The following CACNA2D3 variants were observed in gnomAD, a reference collection of about 807,000 sequenced individuals.
CACNA2D3 encodes the protein calcium voltage-gated channel auxiliary subunit alpha2delta 3.
CACNA2D3 carries 60 observed loss-of-function variants against 160.6 expected under a neutral mutation model. The observed-to-expected ratio is 0.37, with a 90% CI of 0.30 to 0.46. The LOEUF is 0.46. Ranked by LOEUF, CACNA2D3 falls within the 20% of genes least tolerant of loss-of-function variation. CACNA2D3 has a pLI of 1.00. For synonymous variants in CACNA2D3, 558 were observed against 492.9 expected (o/e 1.13, Z -1.75); for missense variants, 1,205 against 1,365.0 (o/e 0.88, Z 1.85).
At chr3:54,363,062 G>A (rs909747537) in intron 3 of CACNA2D3, among the ~76,000 whole-genome samples, 12 of 152,036 alleles carry the variant, frequency 7.9e-5, no homozygotes, top group African/African-American at 2.9e-4. Flanking sequence ...AGGTGTGGTG[G>A]TGTGCGCCTG....
intron 17 of CACNA2D3, among the ~76,000 whole-genome samples, chr3:54,855,291 C>T (rs968579739): frequency 6.6e-6 from 1 of 152,174 alleles, no homozygotes; most frequent in Non-Finnish European, 1.5e-5. Flanking sequence ...TACTAGTCTC[C>T]GGGCTCCGGC....
intron 11 of CACNA2D3, among the ~76,000 whole-genome samples, chr3:54,694,355 A>T (rs1268527265): frequency 1.3e-5 from 2 of 152,184 alleles, no homozygotes; most frequent in African/African-American, 2.4e-5. Flanking sequence ...GTGTAAATAC[A>T]CTCTATGGTG....
intron 2 of CACNA2D3, among the ~76,000 whole-genome samples, chr3:54,160,368 C>T (rs532530187): frequency 5.3e-5 from 8 of 152,128 alleles, no homozygotes; most frequent in Non-Finnish European, 1.0e-4. Context: ...GGTGTGGTGG[C>T]GGGCGCCTGT....
chr3:54,880,038 C>T (rs951897054), intron 20 of CACNA2D3, among the ~76,000 whole-genome samples: 4 of 152,122 alleles, frequency 2.6e-5, no homozygotes, highest in Non-Finnish European at 4.4e-5. Flanking sequence ...CCTGAACTGG[C>T]GTCTCAGAGC....
chr3:54,151,169 TAATG>T (rs1385728323), intron 2 of CACNA2D3, among the ~76,000 whole-genome samples: 5 of 148,322 alleles, frequency 3.4e-5, no homozygotes, highest in Admixed American at 1.3e-4. Flanking sequence ...AGGGATGGGT[TAATG>T]GGTGGATGGG....
chr3:54,918,343 T>TTTTC lies in CACNA2D3; in HGVS notation c.2449+18478_2449+18479insCTTT. The TTTTC allele has an allele frequency of 5.2e-6, 2 of 381,202 alleles. 1 individual carries two copies. Among genetic ancestry groups the TTTTC allele is most frequent in the Admixed American group, 9.0e-5 (2 of 22,208 alleles). The allele number at this position is 381,202 out of a possible 1,614,324, so 23.6% of individuals were successfully genotyped here. On this transcript the variant is annotated intron_variant, in intron 27 of 37. Coordinates refer to ENST00000474759, the MANE Select transcript of CACNA2D3 (RefSeq NM_018398.3). Reference sequence around the variant, plus strand: ...CATCTTTTTTTTTTCTTTTTTTTTTTTTTTTTTTTTTTGTCTTTTGGCAAA... The same window carrying TTTTC: ...CATCTTTTTTTTTTCTTTTTTTTTTTTTTCTTTTTTTTTTTTGTCTTTTGGCAAA...
chr3:54,430,348 T>C (rs891398741), intron 4 of CACNA2D3, among the ~76,000 whole-genome samples: 3 of 152,194 alleles, frequency 2.0e-5, no homozygotes, highest in Admixed American at 6.5e-5. Flanking sequence ...GTTAAAAATA[T>C]TGAGGTTGGG....
chr3:54,216,723 A>G (rs1315108288), intron 2 of CACNA2D3, among the ~76,000 whole-genome samples: 1 of 152,178 alleles, frequency 6.6e-6, no homozygotes, highest in African/African-American at 2.4e-5. Context: ...TAATGCATTA[A>G]CTGTTTTGTT....
chr3:54,556,235 A>T (rs937599172), intron 5 of CACNA2D3, among the ~76,000 whole-genome samples: 6 of 152,176 alleles, frequency 3.9e-5, no homozygotes, highest in Admixed American at 3.9e-4. Flanking sequence ...GGATCTTGAG[A>T]TGAGATCGTC....
At chr3:54,735,157 A>G (rs1484325223) in intron 11 of CACNA2D3, among the ~76,000 whole-genome samples, 2 of 152,266 alleles carry the variant, frequency 1.3e-5, no homozygotes, top group East Asian at 1.9e-4. Context: ...GGACTTCTTA[A>G]TGGCAGAACT....
Position 54,880,777 on chromosome 3 carries a change from G to A in CACNA2D3, c.1845-19G>A, listed in dbSNP as rs375413036. 6.2e-7 allele frequency: 1 copy of A among 1,608,826 alleles called. No homozygotes were observed. The highest frequency in any genetic ancestry group is 1.3e-5 in the African/African-American group (1 of 74,834). The stretch of plus-strand genomic sequence containing the variant: ...GTCGATGCCAGGGATTTCAAGATTT[G>A]CTTTGTCTCTCTGCACAGTTTAGGT... On this transcript the variant is annotated intron_variant, in intron 20 of 37. Transcript: ENST00000474759.
chr3:55,059,553 C>T (rs941640387), intron 35 of CACNA2D3, among the ~76,000 whole-genome samples: 33 of 152,224 alleles, frequency 2.2e-4, no homozygotes, highest in African/African-American at 7.2e-4. Flanking sequence ...GCTCCAGCCC[C>T]ACGGTGGCAA....
intron 2 of CACNA2D3, among the ~76,000 whole-genome samples, chr3:54,164,141 A>G (rs1700403974): frequency 6.6e-6 from 1 of 152,200 alleles, no homozygotes; most frequent in Non-Finnish European, 1.5e-5. Context: ...GTACCTGCAA[A>G]GACTCTCAGG....
Position 54,122,627 on chromosome 3 carries a change from C to CCG in CACNA2D3, c.-81_-80dup. 2.2e-6 allele frequency: 2 copies of CCG among 908,254 alleles called. No homozygotes were observed. The highest frequency in any genetic ancestry group is 2.6e-6 in the Non-Finnish European group (2 of 762,162). 56.3% of individuals were successfully genotyped at this position (908,254 alleles called of 1,614,324 possible). A position where few individuals can be genotyped will look rare whatever the true frequency, so the allele number is the denominator to read the frequency against. ...GCGGCGCGGAGCGGAGCAGGCAGCC[C>CCG]CGCGCGCTCGCCCACCGCCCGCTCC... On this transcript the variant is annotated 5_prime_UTR_variant, in exon 1 of 38. Coordinates refer to ENST00000474759, the MANE Select transcript of CACNA2D3 (RefSeq NM_018398.3).
chr3:54,973,728 C>A (rs978186638), intron 29 of CACNA2D3, among the ~76,000 whole-genome samples: 1 of 152,130 alleles, frequency 6.6e-6, no homozygotes, highest in Non-Finnish European at 1.5e-5. Flanking sequence ...GTGACCCCTA[C>A]CAAGTGCATC....
chr3:55,037,539 G>A lies in CACNA2D3; in HGVS notation c.2987+19222G>A, dbSNP rs376148365. 2.6e-5 allele frequency among the ~76,000 whole-genome samples: 4 copies of A among 152,304 alleles called. No individual in the cohort carries two copies. The East Asian group carries it at 7.7e-4, about 29-fold the overall frequency. On this transcript the variant is annotated intron_variant, in intron 35 of 37. Transcript: ENST00000474759. ...CCTCCCTGCAAGAGGGCGGGCCGAA[G>A]ATAAACCAAAGCCAGGATGCAGAAG...
At chr3:54,866,237 A>G (rs530389355) in intron 17 of CACNA2D3, among the ~76,000 whole-genome samples, 1 of 152,324 alleles carries the variant, frequency 6.6e-6, no homozygotes, top group African/African-American at 2.4e-5. Context: ...AGAATGGATG[A>G]GTGAGTGAAG....
rs535989411 is a variant in CACNA2D3 at position 54,512,454 on chromosome 3, C to A, written c.544+8800C>A. ...TGTTATAAGAATGATGATAGTGACA[C>A]CGGGTCCCCCACAGTGGCATGGCTT... On this transcript the variant is annotated intron_variant, in intron 5 of 37. Coordinates refer to ENST00000474759, the MANE Select transcript of CACNA2D3 (RefSeq NM_018398.3). Among the ~76,000 whole-genome samples the A allele has an allele frequency of 7.2e-5, 11 of 152,300 alleles. No homozygotes were observed. The South Asian group carries it at 2.3e-3, about 32-fold the overall frequency.
chr3:54,240,538 G>C (rs545641265), intron 2 of CACNA2D3, among the ~76,000 whole-genome samples: 1 of 152,264 alleles, frequency 6.6e-6, no homozygotes, highest in East Asian at 1.9e-4. Context: ...ATGTGGATCA[G>C]CATCCAACAG....
Sources: gnomAD v4.1 joint callset for allele counts (sites outside exome capture counted in the v4.1 genomes callset) on GRCh38, gnomAD v4.1.1 for gene constraint, MANE v1.5 for transcripts, NCBI Gene and HGNC (gene_info 2026-07-23, HGNC 2026-07-21) for gene names.